MUC5B: variants seen among roughly 807,000 people sequenced by gnomAD.
The protein encoded by MUC5B is mucin 5B, oligomeric mucus/gel-forming, also known as mucin-5B.
In MUC5B, 116 loss-of-function variants were observed where a neutral mutation model predicts 376.9. The observed-to-expected ratio is 0.31, with a 90% CI of 0.26 to 0.36. The LOEUF (loss-of-function observed/expected upper bound fraction) is 0.36. Ranked by LOEUF, MUC5B falls within the 10% of genes least tolerant of loss-of-function variation. The pLI is 1.00. For missense variants in MUC5B, 7,165 were observed against 7,769.9 expected, an observed-to-expected ratio of 0.92 and a Z score of 2.93; for synonymous variants, 3,517 against 3,390.9, an observed-to-expected ratio of 1.04 and a Z score of -1.29.
chr11:1,240,197 G>A lies in MUC5B; in HGVS notation c.3792G>A (p.Glu1264=). ...HSLEACTCTY[E]DRTYSYQDVI... ...CCCCAGCCTGCACCTGCACCTATGA[G>A]GACAGGACCTACAGCTACCAGGACG... Residue 1264 remains glutamate (E), a synonymous_variant, in exon 30 of 49, where the codon GAG becomes GAA. Transcript: ENST00000529681. The A allele has an allele frequency of 6.2e-7, 1 of 1,608,392 alleles. No individual in the cohort carries two copies.
At chr11:1,231,339 C>A in intron 13 of MUC5B, 84 bp from the exon 14 acceptor site, 1 of 1,465,820 alleles carries the variant, frequency 6.8e-7, no homozygotes, top group Admixed American at 2.1e-5. Context: ...TGGGGTGGCC[C>A]GGCCCACTGG....
At position 1,232,756 on chromosome 11, in the gene MUC5B, G is replaced by A; in HGVS notation, c.2051G>A (p.Arg684Lys). ...AAKGVQLSDW[R>K]DGVCTKYMQN... ...AAGGGCGTACAGCTCAGCGACTGGA[G>A]GGACGGCGTCTGCAGTGAGTGCCCA... is the stretch of plus-strand genomic sequence containing the variant. Residue 684 changes from arginine to lysine, a missense_variant, in exon 17 of 49, where the codon AGG (arginine) becomes AAG (lysine). By Grantham distance (26) the Arg-to-Lys change is conservative. Coordinates refer to ENST00000529681, the MANE Select transcript of MUC5B (RefSeq NM_002458.3). 6.3e-7 allele frequency: 1 copy of A among 1,595,688 alleles called. No individual in the cohort carries two copies. Among genetic ancestry groups the A allele is most frequent in the Non-Finnish European group, 8.6e-7 (1 of 1,169,550 alleles).
chr11:1,232,874 T>C (rs1314466084), intron 17 of MUC5B, 104 bp downstream of exon 17: 1 of 1,467,442 alleles, frequency 6.8e-7, no homozygotes, highest in African/African-American at 1.4e-5. Context: ...CCCAGAGCTT[T>C]GCACTTCCTC....
At chr11:1,237,665 T>C (rs939628931) in intron 25 of MUC5B, among the ~76,000 whole-genome samples, 1 of 151,580 alleles carries the variant, frequency 6.6e-6, no homozygotes, top group Admixed American at 6.6e-5. Flanking sequence ...AGGTCAGGAG[T>C]TTGAGACCAG....
rs373491719 is a variant in MUC5B at position 1,232,488 on chromosome 11, C to T, written c.1882C>T (p.Pro628Ser). Residue 628 changes from proline to serine, a missense_variant, in exon 16 of 49, where the codon CCC becomes TCC. By Grantham distance (74) the Pro-to-Ser change is moderately conservative (BLOSUM62 -1). Around this residue, in one of 31 missense-constraint regions of MUC5B, gnomAD observed 530 missense variants for 604.0 expected, o/e 0.88. Transcript: ENST00000529681. ...GCACTGGTGCTCGCGCCTGACCGATCCCAACAGTGCCTTCTCGCGCTGCCA... is the reference window on the plus strand; with the variant it reads ...GCACTGGTGCTCGCGCCTGACCGATTCCAACAGTGCCTTCTCGCGCTGCCA... ...ARHWCSRLTD[P>S]NSAFSRCHSI... is the part of the protein sequence containing the mutation. The T allele has an allele frequency of 1.9e-6, 3 of 1,610,892 alleles. No individual in the cohort carries two copies. Among genetic ancestry groups the T allele is most frequent in the African/African-American group, 1.3e-5 (1 of 74,962 alleles).
Position 1,246,154 on chromosome 11 carries a change from T to G in MUC5B, c.9274T>G (p.Ser3092Ala), listed in dbSNP as rs1187762814. ...EQTTTPMATM[S>A]TIHPSSTPET... ...GACCACCACACCCATGGCCACCATG[T>G]CCACAATCCACCCCTCCTCCACTCC... is the stretch of plus-strand genomic sequence containing the variant. Residue 3092 changes from serine to alanine, a missense_variant, in exon 31 of 49, where the codon TCC (serine) becomes GCC (alanine). Physicochemically the swap from Ser to Ala is moderately conservative, Grantham distance 99. Coordinates refer to ENST00000529681, the MANE Select transcript of MUC5B (RefSeq NM_002458.3). 1 of 1,607,964 alleles carries G rather than the reference T, an allele frequency of 6.2e-7. No individual in the cohort carries two copies. Among genetic ancestry groups the G allele is most frequent in the Non-Finnish European group, 8.5e-7 (1 of 1,178,196 alleles).
At position 1,246,923 on chromosome 11, in the gene MUC5B, C is replaced by T. The variant is rs1395054581; in HGVS notation, c.10043C>T (p.Thr3348Ile). Reference protein sequence around the residue: ...TTPTTRGSTVTPSSIPGTTHT... With the variant: ...TTPTTRGSTVIPSSIPGTTHT... ...CCCACAACCAGAGGCTCCACGGTGACCCCCTCCTCCATCCCGGGGACCACC... is the reference window on the plus strand; with the variant it reads ...CCCACAACCAGAGGCTCCACGGTGATCCCCTCCTCCATCCCGGGGACCACC... The change falls in exon 31 of 49, where the codon ACC becomes ATC. Residue 3348 changes from threonine (T) to isoleucine (I), a missense_variant. Thr to Ile is a moderately conservative substitution (Grantham distance 89, BLOSUM62 -1). Coordinates refer to ENST00000529681, the MANE Select transcript of MUC5B (RefSeq NM_002458.3). The T allele has an allele frequency of 1.2e-6, 2 of 1,610,726 alleles. No homozygotes were observed. The highest frequency in any genetic ancestry group is 1.7e-6 in the Non-Finnish European group (2 of 1,178,748).
chr11:1,231,327 A>C, intron 13 of MUC5B, 96 bp from the exon 14 acceptor site: 6 of 1,405,422 alleles, frequency 4.3e-6, no homozygotes, highest in Admixed American at 2.3e-5. Flanking sequence ...CCCGGGTCTC[A>C]GTGGGGTGGC....
chr11:1,250,244 C>T lies in MUC5B; in HGVS notation c.13364C>T (p.Thr4455Ile), dbSNP rs1212697649. 1.9e-6 allele frequency: 3 copies of T among 1,612,694 alleles called. No individual in the cohort carries two copies. Reference protein sequence around the residue: ...GTTWILTEPSTTATVTVPTGS... With the variant: ...GTTWILTEPSITATVTVPTGS... ...ACCTGGATCCTCACAGAGCCGAGCACTACAGCCACCGTGACGGTGCCCACC... is the reference window on the plus strand; with the variant it reads ...ACCTGGATCCTCACAGAGCCGAGCATTACAGCCACCGTGACGGTGCCCACC... The change falls in exon 31 of 49, where the codon ACT (threonine) becomes ATT (isoleucine). Residue 4455 changes from threonine to isoleucine, a missense_variant. By Grantham distance (89) the Thr-to-Ile change is moderately conservative (BLOSUM62 -1). Around this residue, in one of 31 missense-constraint regions of MUC5B, gnomAD observed 431 missense variants for 390.4 expected, o/e 1.10. Coordinates refer to ENST00000529681, the MANE Select transcript of MUC5B (RefSeq NM_002458.3).
rs749336453 is a variant in MUC5B, at chr11:1,248,553, C to A, written c.11673C>A (p.Ile3891=). ...PGTARTPPVW[I]STTTTPTTSG... ...CGGCACGCACGCCTCCAGTGTGGAT[C>A]AGCACAACCACCACACCCACAACCA... Residue 3891 remains isoleucine (I), a synonymous_variant, in exon 31 of 49, where the codon ATC becomes ATA. Coordinates refer to ENST00000529681, the MANE Select transcript of MUC5B (RefSeq NM_002458.3). 6.2e-6 allele frequency: 10 copies of A among 1,613,026 alleles called. No homozygotes were observed. In the South Asian group the frequency reaches 7.7e-5, roughly 12 times the overall value.
chr11:1,256,780 CGCCACCTGTGGCGGGAT>C lies in MUC5B; in HGVS notation c.16237+10_16237+26del. 9.8e-6 allele frequency: 15 copies of C among 1,523,188 alleles called. No homozygotes were observed. The highest frequency in any genetic ancestry group is 2.2e-5 in the Admixed American group (1 of 44,684). 94.4% of individuals were successfully genotyped at this position (1,523,188 alleles called of 1,614,324 possible). Reference sequence around the variant, plus strand: ...CTGCGTGCAGGCCTGCCGTAAGCTCCGCCACCTGTGGCGGGATACGACCCTGGGCCCGACCCAAGCAC... The same window carrying C: ...CTGCGTGCAGGCCTGCCGTAAGCTCCACGACCCTGGGCCCGACCCAAGCAC... On this transcript the variant is annotated intron_variant, in intron 39 of 48. Coordinates refer to ENST00000529681, the MANE Select transcript of MUC5B (RefSeq NM_002458.3).
At position 1,242,526 on chromosome 11, in the gene MUC5B, C is replaced by T. The variant is rs1564939646; in HGVS notation, c.5646C>T (p.Tyr1882=). The change falls in exon 31 of 49, where the codon TAC becomes TAT. Residue 1882 remains tyrosine (Y), a synonymous_variant. Coordinates refer to ENST00000529681, the MANE Select transcript of MUC5B (RefSeq NM_002458.3). ...YNVRVLCCDD[Y]SHCPSTPATS... ...TGCGTGTGCTTTGCTGTGACGACTA[C>T]AGCCACTGCCCCAGTACCCCAGCCA... The T allele has an allele frequency of 2.5e-6, 4 of 1,613,820 alleles. No individual in the cohort carries two copies. The highest frequency in any genetic ancestry group is 1.7e-5 in the Admixed American group (1 of 60,002).
chr11:1,243,648 C>T lies in MUC5B; in HGVS notation c.6768C>T (p.His2256=), dbSNP rs759588709. The T allele has an allele frequency of 6.8e-6, 11 of 1,611,296 alleles. No individual in the cohort carries two copies. The South Asian group carries it at 7.7e-5, about 11-fold the overall frequency. Residue 2256 remains histidine (H), a synonymous_variant, in exon 31 of 49, where the codon CAC becomes CAT. Coordinates refer to ENST00000529681, the MANE Select transcript of MUC5B (RefSeq NM_002458.3). ...QHSTPALSSP[H]PSSRTTESPP... ...CGACTCCAGCCCTTTCCAGCCCTCA[C>T]CCTAGCAGCAGAACCACCGAGTCAC...
Position 1,250,271 on chromosome 11 carries a change from G to T in MUC5B, c.13391G>T (p.Gly4464Val). 6.2e-7 allele frequency: 1 copy of T among 1,612,440 alleles called. No homozygotes were observed. The highest frequency in any genetic ancestry group is 8.5e-7 in the Non-Finnish European group (1 of 1,179,420). ...STTATVTVPT[G>V]STATASSTQA... ...ACAGCCACCGTGACGGTGCCCACCG[G>T]ATCCACGGCCACCGCCTCCTCCACC... Residue 4464 changes from glycine (G) to valine (V), a missense_variant, in exon 31 of 49, where the codon GGA becomes GTA. Gly to Val is a moderately radical substitution (Grantham distance 109). Around this residue, in one of 31 missense-constraint regions of MUC5B, gnomAD observed 431 missense variants for 390.4 expected, o/e 1.10. Transcript: ENST00000529681.
At chr11:1,238,242 T>C (rs1276271125) in intron 25 of MUC5B, among the ~76,000 whole-genome samples, 1 of 152,212 alleles carries the variant, frequency 6.6e-6, no homozygotes, top group East Asian at 1.9e-4. Flanking sequence ...CCTTCCTTAG[T>C]GCACATTCAC....
chr11:1,248,742 C>A lies in MUC5B; in HGVS notation c.11862C>A (p.Ile3954=), dbSNP rs370947976. Residue 3954 remains isoleucine (I), a synonymous_variant, in exon 31 of 49, where the codon ATC becomes ATA. Transcript: ENST00000529681. ...PPSLITTATT[I]TATGSTTNPS... ...CACTGATCACCACGGCCACTACGAT[C>A]ACGGCCACCGGCTCCACCACCAACC... 122 of 1,556,910 alleles carry A rather than the reference C, an allele frequency of 7.8e-5. No homozygotes were observed. Among genetic ancestry groups the A allele is most frequent in the Non-Finnish European group, 1.1e-5 (13 of 1,150,262 alleles).
chr11:1,254,040 G>C, intron 33 of MUC5B, 52 bp from the exon 34 acceptor site: 1 of 1,576,214 alleles, frequency 6.3e-7, no homozygotes. Flanking sequence ...GACGCCTGGG[G>C]AGCGAGGGCA....
rs759793020 is a variant in MUC5B at position 1,230,485 on chromosome 11, C to T, written c.1360-5C>T. ...CCCAATGCACGCGTGGGTCCTTCTC[C>T]CCAGAAATGTGCCGACAGCAGCTTC... On this transcript the variant is annotated splice_region_variant and splice_polypyrimidine_tract_variant and intron_variant, in intron 11 of 48. Transcript: ENST00000529681. 2.4e-5 allele frequency: 38 copies of T among 1,600,394 alleles called. No homozygotes were observed. Among genetic ancestry groups the T allele is most frequent in the Admixed American group, 3.4e-5 (2 of 58,864 alleles).
At position 1,245,405 on chromosome 11, in the gene MUC5B, C is replaced by G; in HGVS notation, c.8525C>G (p.Thr2842Arg). ...HTRATSRTTA[T>R]ATPSKTRTST... ...AGGGCCACCTCCAGGACCACGGCCA[C>G]GGCCACACCCAGCAAGACCCGCACC... The change falls in exon 31 of 49, where the codon ACG (threonine) becomes AGG (arginine). Residue 2842 changes from threonine to arginine, a missense_variant. Physicochemically the swap from Thr to Arg is moderately conservative, Grantham distance 71. Around this residue, in one of 31 missense-constraint regions of MUC5B, gnomAD observed 50 missense variants for 66.4 expected, o/e 0.75. Transcript: ENST00000529681. 3 of 1,562,434 alleles carry G rather than the reference C, an allele frequency of 1.9e-6. 1 individual carries two copies. The highest frequency in any genetic ancestry group is 2.6e-6 in the Non-Finnish European group (3 of 1,152,038).
Sources: gnomAD v4.1 joint callset for allele counts (sites outside exome capture counted in the v4.1 genomes callset) on GRCh38, gnomAD v4.1.1 for gene constraint, gnomAD v4.1.1 regional missense constraint, MANE v1.5 for transcripts, NCBI Gene and HGNC (gene_info 2026-07-23, HGNC 2026-07-21) for gene names.